FNIP2: variants seen among roughly 807,000 people sequenced by gnomAD.
The protein encoded by FNIP2 is folliculin interacting protein 2.
FNIP2 carries 32 observed loss-of-function variants against 108.7 expected under a neutral mutation model. The ratio of observed to expected loss-of-function variants is 0.29; its 90% confidence interval spans 0.22 to 0.40. The LOEUF is 0.40. Among genes scored for constraint, FNIP2 ranks in the 10% least tolerant of loss-of-function variants. FNIP2 has a pLI of 1.00. For synonymous variants in FNIP2, 480 were observed against 496.7 expected (o/e 0.97, Z 0.45); for missense variants, 1,202 against 1,381.6 (o/e 0.87, Z 2.06).
Position 158,825,923 on chromosome 4 carries a change from T to C in FNIP2, c.115T>C (p.Cys39Arg), listed in dbSNP as rs371988498. The C allele has an allele frequency of 8.1e-6, 13 of 1,606,356 alleles. No individual in the cohort carries two copies. The highest frequency in any genetic ancestry group is 1.7e-4 in the Middle Eastern group (1 of 6,022). ...PKEGPAFSWS[C>R]SEFDLNEIRL... ...GCCCTTTTTAATCCACAGTTGGTCA[T>C]GTTCGGAGTTTGACCTGAATGAGAT... Residue 39 changes from cysteine to arginine, a missense_variant, in exon 2 of 17, where the codon TGT becomes CGT. By Grantham distance (180) the Cys-to-Arg change is radical. Coordinates refer to ENST00000264433, the MANE Select transcript of FNIP2 (RefSeq NM_020840.3).
At position 158,905,929 on chromosome 4, in the gene FNIP2, T is replaced by C. The variant is rs1186774780; in HGVS notation, c.*1385T>C. ...CTGTTTTATGAATTAATTCCAGTTC[T>C]TTTCATGTATCTTTGAACCTAAGAT... On this transcript the variant is annotated 3_prime_UTR_variant, in exon 17 of 17. Transcript: ENST00000264433. 1 of 152,226 alleles carries C rather than the reference T, an allele frequency of 6.6e-6. No homozygotes were observed. The highest frequency in any genetic ancestry group is 1.5e-5 in the Non-Finnish European group (1 of 68,040). 9.4% of individuals were successfully genotyped at this position (152,226 alleles called of 1,614,324 possible).
intron 14 of FNIP2, among the ~76,000 whole-genome samples, chr4:158,878,477 C>T (rs566309529): frequency 6.6e-6 from 1 of 152,112 alleles, no homozygotes; most frequent in African/African-American, 2.4e-5. Flanking sequence ...GGTTTCAGGT[C>T]CAGATTTATT....
In FNIP2 at chr4:158,831,971, G is replaced by A. The variant is rs550454382; in HGVS notation, c.482+10G>A. 15 of 1,606,784 alleles carry A rather than the reference G, an allele frequency of 9.3e-6. No homozygotes were observed. The highest frequency in any genetic ancestry group is 5.4e-5 in the African/African-American group (4 of 74,748). ...AGATACACTACATACGGTGAGTCTG[G>A]GCTTCCTTTTCTACTAGTTTTGAGA... On this transcript the variant is annotated intron_variant, in intron 4 of 16. Transcript: ENST00000264433.
chr4:158,823,581 T>C (rs976538082), intron 1 of FNIP2, among the ~76,000 whole-genome samples: 12 of 152,212 alleles, frequency 7.9e-5, no homozygotes, highest in Non-Finnish European at 1.6e-4. Context: ...TCAGACTGTG[T>C]TGATTGTAAG....
In FNIP2 at chr4:158,907,235, TAC is replaced by T. The variant is rs1287478949; in HGVS notation, c.*2692_*2693del. 6.6e-6 allele frequency: 1 copy of T among 152,268 alleles called. No individual in the cohort carries two copies. Among genetic ancestry groups the T allele is most frequent in the Non-Finnish European group, 1.5e-5 (1 of 68,050 alleles). The allele number at this position is 152,268 out of a possible 1,614,324, so 9.4% of individuals were successfully genotyped here. A position where few individuals can be genotyped will look rare whatever the true frequency, so the allele number is the denominator to read the frequency against. On this transcript the variant is annotated 3_prime_UTR_variant, in exon 17 of 17. Transcript: ENST00000264433. The stretch of plus-strand genomic sequence containing the variant: ...ATGAAAATTTAAAATGTAGCTTCCA[TAC>T]TTGTGCATAATTCCAAAGTATTTTA...
intron 7 of FNIP2, among the ~76,000 whole-genome samples, chr4:158,846,251 C>T (rs893330250): frequency 2.6e-5 from 4 of 152,008 alleles, no homozygotes; most frequent in African/African-American, 9.7e-5. Flanking sequence ...TAAGAAACAT[C>T]TTTATATATT....
At chr4:158,779,937 G>A (rs1006599273) in intron 1 of FNIP2, among the ~76,000 whole-genome samples, 4 of 151,894 alleles carry the variant, frequency 2.6e-5, no homozygotes, top group African/African-American at 7.3e-5. Context: ...GGCCAGGCAC[G>A]GTGGCTCATG....
intron 7 of FNIP2, among the ~76,000 whole-genome samples, chr4:158,850,813 A>G (rs930010752): frequency 5.9e-5 from 9 of 151,768 alleles, no homozygotes; most frequent in Non-Finnish European, 1.0e-4. Flanking sequence ...GTGGCAATAT[A>G]GTTATGTTGT....
At chr4:158,897,418 C>T (rs936376708) in intron 16 of FNIP2, among the ~76,000 whole-genome samples, 1 of 152,214 alleles carries the variant, frequency 6.6e-6, no homozygotes, top group African/African-American at 2.4e-5. Context: ...AATCGCCACA[C>T]TGTTTTCCAC....
chr4:158,901,029 T>G (rs1403116377), intron 16 of FNIP2, among the ~76,000 whole-genome samples: 1 of 151,952 alleles, frequency 6.6e-6, no homozygotes, highest in Non-Finnish European at 1.5e-5. Context: ...GCAGGCCTGG[T>G]GGTGACAGAA....
chr4:158,870,349 T>G lies in FNIP2; in HGVS notation c.2829T>G (p.Phe943Leu). 1 of 1,614,032 alleles carries G rather than the reference T, an allele frequency of 6.2e-7. No individual in the cohort carries two copies. The highest frequency in any genetic ancestry group is 8.5e-7 in the Non-Finnish European group (1 of 1,179,858). ...TCAGCACCCAGAATGTAAGGAACTT[T>G]GGCCGCTCACTTCTGGCGGGCTACT... Reference protein sequence around the residue: ...QSISTQNVRNFGRSLLAGYCP... With the variant: ...QSISTQNVRNLGRSLLAGYCP... Residue 943 changes from phenylalanine to leucine, a missense_variant, in exon 14 of 17, where the codon TTT becomes TTG. This residue lies in a region of FNIP2 where 878 missense variants were observed against 990.3 expected (regional missense o/e 0.89). Transcript: ENST00000264433.
chr4:158,880,518 C>T (rs1042222667), intron 14 of FNIP2, among the ~76,000 whole-genome samples: 2 of 152,086 alleles, frequency 1.3e-5, no homozygotes, highest in Non-Finnish European at 1.5e-5. Context: ...TGCAGCACAC[C>T]GACATGGCAC....
intron 1 of FNIP2, among the ~76,000 whole-genome samples, chr4:158,798,686 T>C (rs932238275): frequency 2.6e-5 from 4 of 152,220 alleles, no homozygotes; most frequent in African/African-American, 9.6e-5. Flanking sequence ...ATTTTAAAAG[T>C]GAGTTCATAA....
At chr4:158,900,664 T>C (rs1444595113) in intron 16 of FNIP2, among the ~76,000 whole-genome samples, 2 of 152,190 alleles carry the variant, frequency 1.3e-5, no homozygotes, top group African/African-American at 4.8e-5. Flanking sequence ...AACCCCTACT[T>C]TTTTTCACTT....
chr4:158,815,384 C>CTTT (rs58702187), intron 1 of FNIP2, among the ~76,000 whole-genome samples: 7 of 137,446 alleles, frequency 5.1e-5, no homozygotes, highest in Non-Finnish European at 9.4e-5. Context: ...AGTAATCCAG[C>CTTT]TTTTTTTTTT....
chr4:158,815,452 C>G (rs1237256140), intron 1 of FNIP2, among the ~76,000 whole-genome samples: 1 of 151,256 alleles, frequency 6.6e-6, no homozygotes, highest in Non-Finnish European at 1.5e-5. Flanking sequence ...GCGCCAGCTC[C>G]GCTCACTGCA....
chr4:158,832,770 T>G (rs2347078), intron 5 of FNIP2, among the ~76,000 whole-genome samples: 45,734 of 152,148 alleles, frequency 0.3, 7,522 homozygotes, highest in Non-Finnish European at 0.38. Context: ...TATGAGAATT[T>G]TTATTTATTT....
At chr4:158,881,981 GC>G (rs1203005230) in intron 14 of FNIP2, among the ~76,000 whole-genome samples, 1 of 151,452 alleles carries the variant, frequency 6.6e-6, no homozygotes, top group Non-Finnish European at 1.5e-5. Flanking sequence ...CCTCTTCCCG[GC>G]CGCCATCCAG....
intron 1 of FNIP2, among the ~76,000 whole-genome samples, chr4:158,801,849 G>A (rs1219916902): frequency 1.3e-5 from 2 of 152,118 alleles, no homozygotes; most frequent in African/African-American, 4.8e-5. Flanking sequence ...TCGTGAGGAT[G>A]GCCTGCTGCT....
Sources: gnomAD v4.1 joint callset for allele counts (sites outside exome capture counted in the v4.1 genomes callset) on GRCh38, gnomAD v4.1.1 for gene constraint, gnomAD v4.1.1 regional missense constraint, MANE v1.5 for transcripts, NCBI Gene and HGNC (gene_info 2026-07-23, HGNC 2026-07-21) for gene names.